Variants in MAFF observed in about 807,000 individuals in gnomAD.
MAFF encodes the protein transcription factor MafF.
Under a neutral mutation model 2.7 loss-of-function variants are expected in MAFF, and 4 were observed. The observed-to-expected ratio is 1.48, with a 90% CI of 0.73 to 3.39. MAFF has a LOEUF of 3.39. Ranked by LOEUF, MAFF falls within the 30% of genes most tolerant of loss-of-function variation. The pLI, the probability that MAFF is intolerant of heterozygous loss-of-function variation, is 0.01. For synonymous variants in MAFF, 113 were observed against 119.4 expected (o/e 0.95, Z 0.35); for missense variants, 190 against 246.6 (o/e 0.77, Z 1.54).
At position 38,214,121 on chromosome 22, in the gene MAFF, T is replaced by TC. The variant is rs2091123636; in HGVS notation, c.36+236dup. Among the ~76,000 whole-genome samples, 1 of 152,206 alleles carries TC rather than the reference T, an allele frequency of 6.6e-6. No homozygotes were observed. Among genetic ancestry groups the TC allele is most frequent in the African/African-American group, 2.4e-5 (1 of 41,448 alleles). On this transcript the variant is annotated intron_variant, in intron 2 of 2. Coordinates refer to ENST00000338483, the MANE Select transcript of MAFF (RefSeq NM_012323.4). The surrounding 1 kb of genome is among the most constrained non-coding windows in gnomAD (Gnocchi z 6.3). ...GGTCACTTCCCTCTCCAGGCCTCCT[T>TC]CCCCATCGGGTCAATGTCCCCTGGG... is the stretch of plus-strand genomic sequence containing the variant.
chr22:38,215,040 C>A lies in MAFF; in HGVS notation c.*162C>A, dbSNP rs1191148099. 2.1e-5 allele frequency: 13 copies of A among 619,266 alleles called. No homozygotes were observed. Among genetic ancestry groups the A allele is most frequent in the Non-Finnish European group, 3.5e-5 (12 of 344,220 alleles). 38.4% of individuals were successfully genotyped at this position (619,266 alleles called of 1,614,324 possible). A position where few individuals can be genotyped will look rare whatever the true frequency, so the allele number is the denominator to read the frequency against. On this transcript the variant is annotated 3_prime_UTR_variant, in exon 3 of 3. Transcript: ENST00000338483. ...GCCCTGTCTTCCTCTTGCAGCCCCCCAAACTGGGACCGAATGACCCTGGGA... is the reference window on the plus strand; with the variant it reads ...GCCCTGTCTTCCTCTTGCAGCCCCCAAAACTGGGACCGAATGACCCTGGGA...
chr22:38,202,251 C>G lies in MAFF; in HGVS notation c.-32+39C>G, dbSNP rs1359906765. On this transcript the variant is annotated intron_variant, in intron 1 of 2. Coordinates refer to ENST00000338483, the MANE Select transcript of MAFF (RefSeq NM_012323.4). This position sits in a 1 kb window ranked among gnomAD's most constrained non-coding sequence, Gnocchi z 7.4. ...GACCAGGAGGACGGTGCGCGGGACC[C>G]CAAGGCGGCAGGGTTTCTGCGTCCC... The G allele has an allele frequency of 6.6e-6, 1 of 152,344 alleles. No individual in the cohort carries two copies. Among genetic ancestry groups the G allele is most frequent in the East Asian group, 1.9e-4 (1 of 5,156 alleles). The allele number at this position is 152,344 out of a possible 1,614,324, so 9.4% of individuals were successfully genotyped here.
At chr22:38,207,114 T>TATC (rs895407433) in intron 1 of MAFF, among the ~76,000 whole-genome samples, 18 of 151,454 alleles carry the variant, frequency 1.2e-4, no homozygotes, top group Non-Finnish European at 2.4e-4. Flanking sequence ...GCCTGAATTC[T>TATC]ATTATTATTA....
intron 1 of MAFF, among the ~76,000 whole-genome samples, chr22:38,208,844 A>T (rs1416902068): frequency 6.6e-6 from 1 of 151,950 alleles, no homozygotes; most frequent in Non-Finnish European, 1.5e-5. Context: ...GAGTGAGGGG[A>T]GAGAAATATC....
intron 1 of MAFF, among the ~76,000 whole-genome samples, chr22:38,208,740 C>A (rs1255663856): frequency 2.0e-5 from 3 of 152,136 alleles, no homozygotes; most frequent in African/African-American, 7.2e-5. Context: ...GGGTCCCTAA[C>A]AAGTCCTAGG....
Position 38,202,717 on chromosome 22 carries a change from CCG to C in MAFF, c.-32+515_-32+516del, listed in dbSNP as rs550772165. Reference sequence around the variant, plus strand: ...GTGTGTTGTGCTTGTGTGTGCGTGTCCGCGCGCGCGCTCCCTGGGGCCTGTAC... The same window carrying C: ...GTGTGTTGTGCTTGTGTGTGCGTGTCCGCGCGCGCTCCCTGGGGCCTGTAC... On this transcript the variant is annotated intron_variant, in intron 1 of 2. Transcript: ENST00000338483. This position sits in a 1 kb window ranked among gnomAD's most constrained non-coding sequence, Gnocchi z 7.4. 2.9e-4 allele frequency: 44 copies of C among 152,546 alleles called. No individual in the cohort carries two copies. The highest frequency in any genetic ancestry group is 8.9e-4 in the African/African-American group (37 of 41,484). The allele number at this position is 152,546 out of a possible 1,614,324, so 9.4% of individuals were successfully genotyped here.
At chr22:38,209,813 CAAAAAAAAAAAA>C (rs398037113) in intron 1 of MAFF, among the ~76,000 whole-genome samples, 1 of 76,470 alleles carries the variant, frequency 1.3e-5, no homozygotes, top group Admixed American at 1.7e-4. Context: ...GACTCCATCT[CAAAAAAAAAAAA>C]AAAAAAAAAA....
rs564872422 is a variant in MAFF, at chr22:38,209,480, C to T, written c.-31-4343C>T. On this transcript the variant is annotated intron_variant, in intron 1 of 2. Coordinates refer to ENST00000338483, the MANE Select transcript of MAFF (RefSeq NM_012323.4). ...CCAGCAGGGAGGTGTGCTGGGACCT[C>T]CCCAGGTGTGTGTAGGGTGGTGAGG... Among the ~76,000 whole-genome samples the T allele has an allele frequency of 1.1e-4, 16 of 152,144 alleles. 1 individual carries two copies. The South Asian group carries it at 3.1e-3, about 30-fold the overall frequency.
At chr22:38,211,992 T>C (rs1337649176) in intron 1 of MAFF, among the ~76,000 whole-genome samples, 2 of 152,146 alleles carry the variant, frequency 1.3e-5, no homozygotes, top group East Asian at 3.8e-4. Flanking sequence ...GTTTTCTTTT[T>C]ATTTATTTAT....
rs755417006 is a variant in MAFF at position 38,214,445 on chromosome 22, C to T, written c.62C>T (p.Thr21Met). 2 of 1,606,030 alleles carry T rather than the reference C, an allele frequency of 1.2e-6. No individual in the cohort carries two copies. ...LKIKRELSEN[T>M]PHLSDEALMG... ...ATCAAGCGAGAGCTGAGCGAGAACACGCCGCACCTGTCGGACGAGGCGCTG... is the reference window on the plus strand; with the variant it reads ...ATCAAGCGAGAGCTGAGCGAGAACATGCCGCACCTGTCGGACGAGGCGCTG... The change falls in exon 3 of 3, where the codon ACG (threonine) becomes ATG (methionine). Residue 21 changes from threonine (T) to methionine (M), a missense_variant. Physicochemically the swap from Thr to Met is moderately conservative, Grantham distance 81 (BLOSUM62 -1). Transcript: ENST00000338483. This position sits in a 1 kb window ranked among gnomAD's most constrained non-coding sequence, Gnocchi z 6.3.
rs567492894 is a variant in MAFF at position 38,214,249 on chromosome 22, C to T, written c.37-171C>T. Among the ~76,000 whole-genome samples, 12 of 152,386 alleles carry T rather than the reference C, an allele frequency of 7.9e-5. No homozygotes were observed. The highest frequency in any genetic ancestry group is 2.9e-4 in the African/African-American group (12 of 41,594). ...CCCCGGGGTGGCCTCCTTTTGTGTCCCGATCCTAGTCTGGCCCGGTTTCCC... is the reference window on the plus strand; with the variant it reads ...CCCCGGGGTGGCCTCCTTTTGTGTCTCGATCCTAGTCTGGCCCGGTTTCCC... On this transcript the variant is annotated intron_variant, in intron 2 of 2. Transcript: ENST00000338483. The surrounding 1 kb of genome is among the most constrained non-coding windows in gnomAD (Gnocchi z 6.3).
intron 1 of MAFF, among the ~76,000 whole-genome samples, chr22:38,212,598 C>T (rs969082224): frequency 6.6e-6 from 1 of 152,136 alleles, no homozygotes; most frequent in Admixed American, 6.5e-5. Context: ...GGCTGTCAGG[C>T]CTGTGGGAGG....
intron 1 of MAFF, among the ~76,000 whole-genome samples, chr22:38,206,858 G>A (rs2091055771): frequency 6.6e-6 from 1 of 151,918 alleles, no homozygotes; most frequent in Non-Finnish European, 1.5e-5. Context: ...GTGTAGCTCA[G>A]GTGGCCAAGC....
At chr22:38,204,088 C>T (rs1228443845) in intron 1 of MAFF, 1 of 152,180 alleles carries the variant, frequency 6.6e-6, no homozygotes, top group Non-Finnish European at 1.5e-5. Flanking sequence ...GGAAAGTTAG[C>T]ACTGAGAAGT....
intron 1 of MAFF, among the ~76,000 whole-genome samples, chr22:38,208,680 G>C (rs373021149): frequency 1.2e-4 from 18 of 152,296 alleles, no homozygotes; most frequent in African/African-American, 4.3e-4. Flanking sequence ...GCCTCTCCCT[G>C]TCTGGTGGAG....
Position 38,214,389 on chromosome 22 carries a change from C to G in MAFF, c.37-31C>G. The G allele has an allele frequency of 6.4e-7, 1 of 1,553,666 alleles. No homozygotes were observed. The highest frequency in any genetic ancestry group is 1.2e-5 in the South Asian group (1 of 84,950). ...TGGAGCGGGGGGGCCCGTCCCCAGT[C>G]CCCTGGACCTCAGTTTCCTCATGCC... On this transcript the variant is annotated intron_variant, in intron 2 of 2. Transcript: ENST00000338483. The surrounding 1 kb of genome is among the most constrained non-coding windows in gnomAD (Gnocchi z 6.3).
At position 38,212,221 on chromosome 22, in the gene MAFF, G is replaced by A. The variant is rs1602336202; in HGVS notation, c.-31-1602G>A. ...TTGCCATGTTGGCCAGGCTGGTCTT[G>A]AACTCCTGAACTGAGGTGATCTGCC... On this transcript the variant is annotated intron_variant, in intron 1 of 2. Coordinates refer to ENST00000338483, the MANE Select transcript of MAFF (RefSeq NM_012323.4). Among the ~76,000 whole-genome samples, 3 of 152,106 alleles carry A rather than the reference G, an allele frequency of 2.0e-5. No individual in the cohort carries two copies. In the East Asian group the frequency reaches 5.8e-4, roughly 29 times the overall value.
At chr22:38,206,208 T>A (rs1463378692) in intron 1 of MAFF, among the ~76,000 whole-genome samples, 1 of 152,192 alleles carries the variant, frequency 6.6e-6, no homozygotes, top group Non-Finnish European at 1.5e-5. Context: ...AAAACAGTTC[T>A]GTGCTGAGAA....
intron 1 of MAFF, among the ~76,000 whole-genome samples, chr22:38,213,038 G>A (rs1359386990): frequency 5.3e-5 from 8 of 151,984 alleles, no homozygotes; most frequent in South Asian, 2.1e-4. Context: ...TTAGCTGGGC[G>A]TGGTGACAGG....
Sources: allele counts gnomAD v4.1 joint callset (sites outside exome capture counted in the v4.1 genomes callset), GRCh38; gene constraint gnomAD v4.1.1; non-coding constraint Gnocchi (gnomAD v3.1); transcripts MANE v1.5; gene names NCBI Gene and HGNC (gene_info 2026-07-23, HGNC 2026-07-21).